The following SAMD4A variants were observed in gnomAD, a reference collection of about 807,000 sequenced individuals.
The protein encoded by SAMD4A is protein Smaug homolog 1.
Under a neutral mutation model 81.3 loss-of-function variants are expected in SAMD4A, and 33 were observed. That is an observed-to-expected ratio of 0.41 (90% CI 0.31 to 0.54). The LOEUF is 0.54. Among genes scored for constraint, SAMD4A ranks in the 20% least tolerant of loss-of-function variants. The probability of loss-of-function intolerance (pLI) is 0.37; values close to 1 mark genes in which losing one functional copy is unlikely to be tolerated. For missense variants in SAMD4A, 854 were observed against 951.1 expected (o/e 0.90, Z 1.34); for synonymous variants, 389 against 382.1 (o/e 1.02, Z -0.21).
chr14:54,576,001 C>CTTT (rs57819180), intron 2 of SAMD4A, among the ~76,000 whole-genome samples: 20 of 79,992 alleles, frequency 2.5e-4, no homozygotes, highest in African/African-American at 7.4e-4. Flanking sequence ...TTCTTTCTTT[C>CTTT]TTTTTTTTTT....
chr14:54,692,722 C>T (rs1041556530), intron 2 of SAMD4A, among the ~76,000 whole-genome samples: 8 of 152,094 alleles, frequency 5.3e-5, no homozygotes, highest in African/African-American at 1.9e-4. Flanking sequence ...CCAGCCTCTC[C>T]TCTGAGGGGT....
chr14:54,697,809 C>T (rs2036613199), intron 2 of SAMD4A, among the ~76,000 whole-genome samples: 1 of 152,176 alleles, frequency 6.6e-6, no homozygotes, highest in Admixed American at 6.5e-5. Flanking sequence ...TGTCCAAAGG[C>T]TTATCTGGGC....
Position 54,661,324 on chromosome 14 carries a change from T to C in SAMD4A, c.197-40738T>C, listed in dbSNP as rs766271708. 2.0e-5 allele frequency among the ~76,000 whole-genome samples: 3 copies of C among 152,338 alleles called. No homozygotes were observed. In the East Asian group the frequency reaches 5.8e-4, roughly 29 times the overall value. ...TCATACCTATATTTTAGATACATAATGTGGATTCTATAGATTTCTTTGATG... is the reference window on the plus strand; with the variant it reads ...TCATACCTATATTTTAGATACATAACGTGGATTCTATAGATTTCTTTGATG... On this transcript the variant is annotated intron_variant, in intron 2 of 12. Transcript: ENST00000554335.
intron 2 of SAMD4A, among the ~76,000 whole-genome samples, chr14:54,685,278 C>G (rs1415561915): frequency 1.4e-5 from 2 of 147,238 alleles, no homozygotes; most frequent in East Asian, 2.1e-4. Flanking sequence ...CTTCCTGCCC[C>G]CCCCCCCAGC....
At chr14:54,678,433 TTG>T (rs769193366) in intron 2 of SAMD4A, among the ~76,000 whole-genome samples, 267 of 81,066 alleles carry the variant, frequency 3.3e-3, no homozygotes, top group Admixed American at 3.9e-3. Flanking sequence ...CAGTCACCAT[TTG>T]TGTGTGTGTG....
intron 2 of SAMD4A, among the ~76,000 whole-genome samples, chr14:54,640,665 C>G (rs1215391565): frequency 6.6e-6 from 1 of 152,124 alleles, no homozygotes; most frequent in Non-Finnish European, 1.5e-5. Context: ...GGAGGTGGCA[C>G]GAGGCTTTGG....
chr14:54,600,795 A>T lies in SAMD4A; in HGVS notation c.196+32683A>T, dbSNP rs558108136. Reference sequence around the variant, plus strand: ...ACAGTACATTGAAATGTTCACCAACAACCTTAATCCTTTCTTGGGGAAGAT... The same window carrying T: ...ACAGTACATTGAAATGTTCACCAACTACCTTAATCCTTTCTTGGGGAAGAT... On this transcript the variant is annotated intron_variant, in intron 2 of 12. Coordinates refer to ENST00000554335, the MANE Select transcript of SAMD4A (RefSeq NM_015589.6). Among the ~76,000 whole-genome samples the T allele has an allele frequency of 6.6e-5, 10 of 152,354 alleles. No homozygotes were observed. The South Asian group carries it at 1.2e-3, about 19-fold the overall frequency.
At chr14:54,758,959 A>G (rs1237316688) in intron 6 of SAMD4A, among the ~76,000 whole-genome samples, 1 of 152,186 alleles carries the variant, frequency 6.6e-6, no homozygotes, top group Non-Finnish European at 1.5e-5. Flanking sequence ...GGCCCACCCC[A>G]GCCGCCATGC....
chr14:54,690,872 C>T (rs2036415447), intron 2 of SAMD4A, among the ~76,000 whole-genome samples: 1 of 152,142 alleles, frequency 6.6e-6, no homozygotes, highest in African/African-American at 2.4e-5. Flanking sequence ...TGTCTCAGAC[C>T]CTGGGGTAGA....
intron 2 of SAMD4A, among the ~76,000 whole-genome samples, chr14:54,656,244 A>G (rs1386537789): frequency 6.6e-6 from 1 of 152,134 alleles, no homozygotes; most frequent in African/African-American, 2.4e-5. Flanking sequence ...GGATTTTCCA[A>G]CTGTGTCACT....
intron 2 of SAMD4A, among the ~76,000 whole-genome samples, chr14:54,698,713 G>A (rs1024553413): frequency 2.0e-5 from 3 of 152,210 alleles, no homozygotes; most frequent in Non-Finnish European, 4.4e-5. Flanking sequence ...CCCAGTGGTA[G>A]TAAACAAAAG....
intron 2 of SAMD4A, among the ~76,000 whole-genome samples, chr14:54,653,742 C>T (rs1222210883): frequency 6.6e-6 from 1 of 152,132 alleles, no homozygotes; most frequent in African/African-American, 2.4e-5. Flanking sequence ...GCATGACCAG[C>T]CATTTTATTT....
At chr14:54,662,937 A>C (rs2035676371) in intron 2 of SAMD4A, among the ~76,000 whole-genome samples, 1 of 152,212 alleles carries the variant, frequency 6.6e-6, no homozygotes, top group Non-Finnish European at 1.5e-5. Flanking sequence ...TGCACTGGGC[A>C]GTAAACCAAA....
In SAMD4A at chr14:54,751,501, CAAAG is replaced by C; in HGVS notation, c.1146_1149del (p.Glu382AspfsTer5). Reference sequence around the variant, plus strand: ...AAATTGTCATCAGTATTCAGAAGCTCAAAGAAAGACAAAATCTCCTGAAGTCTTT... The same window carrying C: ...AAATTGTCATCAGTATTCAGAAGCTCAAAGACAAAATCTCCTGAAGTCTTT... On this transcript the variant is annotated frameshift_variant, in exon 6 of 13. Coordinates refer to ENST00000554335, the MANE Select transcript of SAMD4A (RefSeq NM_015589.6). LOFTEE classifies it high-confidence loss of function. 6.2e-7 allele frequency: 1 copy of C among 1,608,832 alleles called. No individual in the cohort carries two copies. Among genetic ancestry groups the C allele is most frequent in the Non-Finnish European group, 8.5e-7 (1 of 1,176,642 alleles).
chr14:54,638,838 A>G (rs796793781), intron 2 of SAMD4A, among the ~76,000 whole-genome samples: 4 of 152,338 alleles, frequency 2.6e-5, no homozygotes, highest in African/African-American at 7.2e-5. Context: ...CCTGAATTCA[A>G]TGTATACCGA....
intron 2 of SAMD4A, among the ~76,000 whole-genome samples, chr14:54,606,251 A>G (rs999695087): frequency 2.0e-5 from 3 of 151,354 alleles, no homozygotes; most frequent in African/African-American, 4.9e-5. Flanking sequence ...TCATTTCTGC[A>G]ATGCTACTTC....
chr14:54,786,708 A>T (rs758086560), intron 12 of SAMD4A, among the ~76,000 whole-genome samples: 3 of 152,244 alleles, frequency 2.0e-5, no homozygotes, highest in Non-Finnish European at 2.9e-5. Context: ...TTGGAGGCTC[A>T]TATCAAACTG....
intron 12 of SAMD4A, among the ~76,000 whole-genome samples, chr14:54,788,679 G>C (rs2039201885): frequency 6.6e-6 from 1 of 152,182 alleles, no homozygotes; most frequent in African/African-American, 2.4e-5. Flanking sequence ...TAAGTACTTG[G>C]GAGGTGAGGA....
At chr14:54,631,790 C>A (rs1594754410) in intron 2 of SAMD4A, among the ~76,000 whole-genome samples, 1 of 152,100 alleles carries the variant, frequency 6.6e-6, no homozygotes, top group Non-Finnish European at 1.5e-5. Context: ...TTTTTCTGAC[C>A]CTGTATAAGC....
Sources: gnomAD v4.1 joint callset for allele counts (sites outside exome capture counted in the v4.1 genomes callset) on GRCh38, gnomAD v4.1.1 for gene constraint, MANE v1.5 for transcripts, NCBI Gene and HGNC (gene_info 2026-07-23, HGNC 2026-07-21) for gene names.